BTBD9: variants seen among roughly 807,000 people sequenced by gnomAD.
The protein encoded by BTBD9 is BTB/POZ domain-containing protein 9.
BTBD9 carries 49 observed loss-of-function variants against 64.3 expected under a neutral mutation model. That is an observed-to-expected ratio of 0.76 (90% CI 0.61 to 0.97). BTBD9 has a LOEUF of 0.97. BTBD9 is among the 50% of genes least tolerant of loss of function. The pLI, the probability that BTBD9 is intolerant of heterozygous loss-of-function variation, is 0.00. For synonymous variants in BTBD9, 260 were observed against 274.7 expected (o/e 0.95, Z 0.53); for missense variants, 598 against 762.1 (o/e 0.78, Z 2.53).
intron 6 of BTBD9, among the ~76,000 whole-genome samples, chr6:38,473,997 G>A (rs1770767533): frequency 6.6e-6 from 1 of 152,100 alleles, no homozygotes; most frequent in African/African-American, 2.4e-5. Flanking sequence ...TTAGGAAAAT[G>A]CACAAAAGGC....
At chr6:38,375,233 G>T (rs1323437484) in intron 6 of BTBD9, among the ~76,000 whole-genome samples, 1 of 152,096 alleles carries the variant, frequency 6.6e-6, no homozygotes, top group African/African-American at 2.4e-5. Flanking sequence ...ACACAGACTT[G>T]GTCAAAGTCA....
At chr6:38,221,513 G>A (rs567882867) in intron 9 of BTBD9, among the ~76,000 whole-genome samples, 6 of 152,284 alleles carry the variant, frequency 3.9e-5, no homozygotes, top group Middle Eastern at 3.4e-3. Context: ...AAATGTCACA[G>A]TGATGCCTGA....
chr6:38,482,518 C>T (rs767465144), intron 6 of BTBD9: 4 of 151,180 alleles, frequency 2.6e-5, no homozygotes, highest in Non-Finnish European at 1.5e-5. Flanking sequence ...GATATAAACA[C>T]TTAATTTTAT....
Position 38,548,895 on chromosome 6 carries a change from A to G in BTBD9, c.1154+28705T>C, listed in dbSNP as rs1158915113. Among the ~76,000 whole-genome samples, 3 of 152,248 alleles carry G rather than the reference A, an allele frequency of 2.0e-5. 1 individual carries two copies. ...ATGGATACAGCCAGGCAGAAATTAT[A>G]GAAAAGGCACCAGGAAAAAATCAAT... On this transcript the variant is annotated intron_variant, in intron 6 of 10. Transcript: ENST00000481247.
At chr6:38,624,046 G>A (rs1778088898) in intron 1 of BTBD9, among the ~76,000 whole-genome samples, 1 of 152,166 alleles carries the variant, frequency 6.6e-6, no homozygotes, top group Non-Finnish European at 1.5e-5. Flanking sequence ...TGAGAGGTGA[G>A]GCCAGCTACA....
chr6:38,218,366 G>C (rs911953758), intron 9 of BTBD9, among the ~76,000 whole-genome samples: 1 of 152,164 alleles, frequency 6.6e-6, no homozygotes, highest in Non-Finnish European at 1.5e-5. Flanking sequence ...ACTTCTGAAA[G>C]GCCTAAGTTC....
intron 1 of BTBD9, among the ~76,000 whole-genome samples, chr6:38,609,965 A>G (rs1777556006): frequency 6.6e-6 from 1 of 152,254 alleles, no homozygotes; most frequent in Non-Finnish European, 1.5e-5. Flanking sequence ...ACAGAAGCTT[A>G]CAATGCAGGT....
At chr6:38,513,950 G>C (rs1191795266) in intron 6 of BTBD9, among the ~76,000 whole-genome samples, 1 of 151,820 alleles carries the variant, frequency 6.6e-6, no homozygotes, top group Non-Finnish European at 1.5e-5. Flanking sequence ...TTTAGTAGAA[G>C]GCAAATGCTA....
chr6:38,576,548 A>G (rs532806045), intron 6 of BTBD9, among the ~76,000 whole-genome samples: 2 of 152,196 alleles, frequency 1.3e-5, no homozygotes, highest in Admixed American at 6.5e-5. Context: ...CTGTTAGACC[A>G]TAAGTTTCAC....
At chr6:38,467,379 G>A (rs1029433094) in intron 6 of BTBD9, among the ~76,000 whole-genome samples, 20 of 152,172 alleles carry the variant, frequency 1.3e-4, no homozygotes, top group African/African-American at 4.3e-4. Flanking sequence ...TTCTGTTAGA[G>A]TCTATGTATA....
chr6:38,493,029 G>GA (rs1463541193), intron 6 of BTBD9, among the ~76,000 whole-genome samples: 1 of 151,942 alleles, frequency 6.6e-6, no homozygotes, highest in African/African-American at 2.4e-5. Flanking sequence ...AAGCAAAAAA[G>GA]AAAAAAATTT....
intron 4 of BTBD9, among the ~76,000 whole-genome samples, chr6:38,581,564 T>A (rs910783937): frequency 6.6e-6 from 1 of 152,224 alleles, no homozygotes; most frequent in Non-Finnish European, 1.5e-5. Flanking sequence ...GTGTAAATTA[T>A]GCTTCACAGA....
At chr6:38,416,034 A>G (rs1360555890) in intron 6 of BTBD9, among the ~76,000 whole-genome samples, 2 of 152,186 alleles carry the variant, frequency 1.3e-5, no homozygotes, top group Non-Finnish European at 2.9e-5. Flanking sequence ...GGCACTATAC[A>G]TTGCTAGAAA....
chr6:38,240,592 C>T (rs1207089982), intron 9 of BTBD9, among the ~76,000 whole-genome samples: 1 of 152,046 alleles, frequency 6.6e-6, no homozygotes, highest in Non-Finnish European at 1.5e-5. Flanking sequence ...GGTTCTATCC[C>T]CCAAAATGAA....
intron 6 of BTBD9, among the ~76,000 whole-genome samples, chr6:38,527,018 G>A (rs547237222): frequency 1.1e-4 from 16 of 152,040 alleles, no homozygotes; most frequent in Non-Finnish European, 2.2e-4. Context: ...GCTCACGCCT[G>A]TAATCTTAGC....
intron 7 of BTBD9, among the ~76,000 whole-genome samples, chr6:38,316,953 T>C (rs929536511): frequency 2.6e-5 from 4 of 152,214 alleles, no homozygotes; most frequent in African/African-American, 9.7e-5. Context: ...GGATATTTTT[T>C]CTGGATATAC....
intron 6 of BTBD9, among the ~76,000 whole-genome samples, chr6:38,507,791 G>A (rs955755641): frequency 6.6e-6 from 1 of 150,444 alleles, no homozygotes; most frequent in Non-Finnish European, 1.5e-5. Context: ...TGTACTTGTA[G>A]AGTTTCAGTT....
At chr6:38,426,328 A>G (rs1768145610) in intron 6 of BTBD9, among the ~76,000 whole-genome samples, 1 of 151,942 alleles carries the variant, frequency 6.6e-6, no homozygotes. Context: ...CCAATCATCT[A>G]TTGCCTGACA....
chr6:38,300,918 G>C lies in BTBD9; in HGVS notation c.1265-12457C>G, dbSNP rs561186297. On this transcript the variant is annotated intron_variant, in intron 7 of 10. Coordinates refer to ENST00000481247, the MANE Select transcript of BTBD9 (RefSeq NM_001099272.2). Reference sequence around the variant, plus strand: ...TATGTTGAATAGGAGTGGTGAGAGAGGGCACCCCTGTCTTGTGCCAGTTTT... The same window carrying C: ...TATGTTGAATAGGAGTGGTGAGAGACGGCACCCCTGTCTTGTGCCAGTTTT... Among the ~76,000 whole-genome samples the C allele has an allele frequency of 6.4e-3, 972 of 152,280 alleles. 16 individuals carry two copies. Among genetic ancestry groups the C allele is most frequent in the African/African-American group, 0.022 (903 of 41,536 alleles).
Sources: gnomAD v4.1 joint callset for allele counts (sites outside exome capture counted in the v4.1 genomes callset) on GRCh38, gnomAD v4.1.1 for gene constraint, MANE v1.5 for transcripts, NCBI Gene and HGNC (gene_info 2026-07-23, HGNC 2026-07-21) for gene names.